The following HHAT variants were observed in gnomAD, a reference collection of about 807,000 sequenced individuals.
HHAT encodes protein-cysteine N-palmitoyltransferase HHAT.
In HHAT, 47 loss-of-function variants were observed where a neutral mutation model predicts 70.8. The ratio of observed to expected loss-of-function variants is 0.66; its 90% CI spans 0.53 to 0.85. The LOEUF (loss-of-function observed/expected upper bound fraction) is 0.85, where lower values mean the gene tolerates loss of function less well. Among genes scored for constraint, HHAT ranks in the 40% least tolerant of loss-of-function variants. HHAT has a pLI of 0.00. For missense variants in HHAT, 609 were observed against 604.8 expected, an observed-to-expected ratio of 1.01 and a Z score of -0.07; for synonymous variants, 228 against 247.6, an observed-to-expected ratio of 0.92 and a Z score of 0.74.
rs532171751 is a variant in HHAT, at chr1:210,538,102, A to G, written c.1043+24914A>G. 1.6e-3 allele frequency among the ~76,000 whole-genome samples: 239 copies of G among 151,176 alleles called. 2 individuals are homozygous for G. Among genetic ancestry groups the G allele is most frequent in the African/African-American group, 5.5e-3 (226 of 41,230 alleles). The stretch of plus-strand genomic sequence containing the variant: ...TTTTTTTTTTTGCTTTTCTCCATAC[A>G]GACCTTTATGAGAATGGATTCATTG... On this transcript the variant is annotated intron_variant, in intron 9 of 11. Transcript: ENST00000261458.
chr1:210,477,407 G>T lies in HHAT; in HGVS notation c.1007+12752G>T, dbSNP rs77381996. ...GTGTGTAAGAAGCCCACAGGGGAGGGACTCTGCCATTCAGGAAGAAATGCC... is the reference window on the plus strand; with the variant it reads ...GTGTGTAAGAAGCCCACAGGGGAGGTACTCTGCCATTCAGGAAGAAATGCC... On this transcript the variant is annotated intron_variant, in intron 8 of 11. Transcript: ENST00000261458. Among the ~76,000 whole-genome samples, 179 of 152,298 alleles carry T rather than the reference G, an allele frequency of 1.2e-3. 1 individual carries two copies. Among genetic ancestry groups the T allele is most frequent in the Non-Finnish European group, 1.7e-3 (118 of 68,020 alleles).
intron 9 of HHAT, among the ~76,000 whole-genome samples, chr1:210,540,522 C>T (rs1450097668): frequency 8.7e-5 from 12 of 138,280 alleles, no homozygotes; most frequent in African/African-American, 2.6e-4. Flanking sequence ...CACAAACACA[C>T]GCTCTCTCTC....
chr1:210,594,104 G>GT (rs1260891262), intron 10 of HHAT, among the ~76,000 whole-genome samples: 1 of 152,072 alleles, frequency 6.6e-6, no homozygotes, highest in Non-Finnish European at 1.5e-5. Flanking sequence ...ATGGGGTCCT[G>GT]TTTTTTAATC....
At chr1:210,479,843 A>G (rs780701365) in intron 8 of HHAT, among the ~76,000 whole-genome samples, 17 of 152,216 alleles carry the variant, frequency 1.1e-4, no homozygotes, top group Non-Finnish European at 2.1e-4. Context: ...AAAAGCATTT[A>G]AGGGAGTTAT....
At chr1:210,488,057 T>C (rs1438957331) in intron 8 of HHAT, among the ~76,000 whole-genome samples, 4 of 152,192 alleles carry the variant, frequency 2.6e-5, no homozygotes. Context: ...TTAAAATTAT[T>C]TTTCCTCTGT....
At chr1:210,451,656 AC>A (rs1201370681) in intron 7 of HHAT, among the ~76,000 whole-genome samples, 2 of 152,098 alleles carry the variant, frequency 1.3e-5, no homozygotes, top group Non-Finnish European at 2.9e-5. Context: ...ATAGCTAACT[AC>A]ACCCTTGAAC....
chr1:210,588,062 G>A lies in HHAT; in HGVS notation c.1208G>A (p.Arg403Gln), dbSNP rs368498838. The A allele has an allele frequency of 1.6e-5, 25 of 1,611,316 alleles. No individual in the cohort carries two copies. The highest frequency in any genetic ancestry group is 8.4e-5 in the Admixed American group (5 of 59,656). Reference protein sequence around the residue: ...WLGVTVENGVRRLVETPCIQD... With the variant: ...WLGVTVENGVQRLVETPCIQD... ...GGAGTCACTGTGGAGAATGGAGTCCGGAGGCTGGTGGAGACTCCCTGCATC... is the reference window on the plus strand; with the variant it reads ...GGAGTCACTGTGGAGAATGGAGTCCAGAGGCTGGTGGAGACTCCCTGCATC... The change falls in exon 10 of 12, where the codon CGG (arginine) becomes CAG (glutamine). Residue 403 changes from arginine (R) to glutamine (Q), a missense_variant. Arg to Gln is a conservative substitution (Grantham distance 43). Coordinates refer to ENST00000261458, the MANE Select transcript of HHAT (RefSeq NM_018194.6).
chr1:210,551,428 T>C (rs1247121977), intron 9 of HHAT, among the ~76,000 whole-genome samples: 2 of 149,316 alleles, frequency 1.3e-5, no homozygotes, highest in Non-Finnish European at 2.9e-5. Flanking sequence ...TGCTAGAAGA[T>C]TGGTAGGTTT....
intron 11 of HHAT, among the ~76,000 whole-genome samples, chr1:210,665,242 A>G (rs1005737725): frequency 1.3e-5 from 2 of 152,242 alleles, no homozygotes; most frequent in Non-Finnish European, 2.9e-5. Flanking sequence ...CAAAACTACA[A>G]TTACTTTTGT....
rs117640068 is a variant in HHAT, at chr1:210,382,658, A to G, written c.160-4810A>G. On this transcript the variant is annotated intron_variant, in intron 3 of 11. Coordinates refer to ENST00000261458, the MANE Select transcript of HHAT (RefSeq NM_018194.6). The stretch of plus-strand genomic sequence containing the variant: ...TGTGGATGACGGAGAAGGGAGTGCA[A>G]TGAGGTCCACCTGGGGAGGTAGGTA... Among the ~76,000 whole-genome samples, 74 of 152,310 alleles carry G rather than the reference A, an allele frequency of 4.9e-4. 4 individuals carry two copies. The East Asian group carries it at 0.014, about 29-fold the overall frequency.
chr1:210,607,873 C>T (rs1018403600), intron 10 of HHAT, among the ~76,000 whole-genome samples: 5 of 152,148 alleles, frequency 3.3e-5, no homozygotes, highest in Non-Finnish European at 5.9e-5. Flanking sequence ...GCTCATTTTC[C>T]TCCCCAAGAG....
At chr1:210,413,180 A>G (rs1306831164) in intron 6 of HHAT, among the ~76,000 whole-genome samples, 2 of 152,250 alleles carry the variant, frequency 1.3e-5, no homozygotes. Context: ...TGTAAAACAT[A>G]ACTAAAATCT....
intron 6 of HHAT, among the ~76,000 whole-genome samples, chr1:210,410,297 C>G (rs956106818): frequency 1.3e-4 from 19 of 151,722 alleles, no homozygotes; most frequent in Non-Finnish European, 2.6e-4. Context: ...ACCTTGTGAT[C>G]CACCCGCCTT....
intron 9 of HHAT, among the ~76,000 whole-genome samples, chr1:210,551,193 A>G (rs11119540): frequency 8.1e-5 from 12 of 148,592 alleles, no homozygotes; most frequent in African/African-American, 2.5e-4. Flanking sequence ...TGTGATATGT[A>G]CTCCATCGAC....
intron 2 of HHAT, among the ~76,000 whole-genome samples, 171 bp from the exon 3 acceptor site, chr1:210,362,681 C>T (rs7527939): frequency 0.29 from 44,852 of 152,076 alleles, 9,200 homozygotes; most frequent in African/African-American, 0.59. Flanking sequence ...GAACTTAGGT[C>T]ACAGAACACT....
intron 11 of HHAT, among the ~76,000 whole-genome samples, chr1:210,636,149 A>G (rs1671829084): frequency 6.6e-6 from 1 of 152,098 alleles, no homozygotes; most frequent in South Asian, 2.1e-4. Flanking sequence ...ATCTTTGTCT[A>G]TGTGCTGCCC....
intron 9 of HHAT, among the ~76,000 whole-genome samples, chr1:210,537,794 T>C (rs2095389561): frequency 1.3e-5 from 2 of 152,232 alleles, no homozygotes; most frequent in Non-Finnish European, 2.9e-5. Context: ...GATTTGATTG[T>C]TGTTTAAGGA....
chr1:210,417,536 T>A (rs2092759849), intron 6 of HHAT, among the ~76,000 whole-genome samples: 1 of 152,150 alleles, frequency 6.6e-6, no homozygotes, highest in East Asian at 1.9e-4. Context: ...TGCCCCACCT[T>A]ATTTTACATT....
intron 9 of HHAT, among the ~76,000 whole-genome samples, chr1:210,531,039 C>T (rs1452970356): frequency 1.3e-5 from 2 of 152,182 alleles, no homozygotes; most frequent in African/African-American, 2.4e-5. Context: ...CTTCCACATA[C>T]CTATATGGTA....
Sources: gnomAD v4.1 joint callset for allele counts (sites outside exome capture counted in the v4.1 genomes callset) on GRCh38, gnomAD v4.1.1 for gene constraint, MANE v1.5 for transcripts, NCBI Gene and HGNC (gene_info 2026-07-23, HGNC 2026-07-21) for gene names.